Variants in WWC1 observed in about 807,000 individuals in gnomAD.
WWC1 encodes WW and C2 domain containing 1.
In WWC1, 55 loss-of-function variants were observed where a neutral mutation model predicts 138.4. The ratio of observed to expected loss-of-function variants is 0.40; its 90% CI spans 0.32 to 0.50. WWC1 has a LOEUF of 0.50. Among genes scored for constraint, WWC1 ranks in the 20% least tolerant of loss-of-function variants. The pLI is 0.72. For missense variants in WWC1, 1,226 were observed against 1,420.4 expected (o/e 0.86, Z 2.20); for synonymous variants, 524 against 564.9 (o/e 0.93, Z 1.03).
intron 2 of WWC1, among the ~76,000 whole-genome samples, chr5:168,383,974 C>T (rs1777846318): frequency 6.6e-6 from 1 of 152,038 alleles, no homozygotes; most frequent in Admixed American, 6.5e-5. Flanking sequence ...TATCCTGCCA[C>T]CTAGTTGGTT....
chr5:168,446,484 A>G (rs1157313993), intron 17 of WWC1, among the ~76,000 whole-genome samples: 2 of 152,204 alleles, frequency 1.3e-5, no homozygotes, highest in Non-Finnish European at 2.9e-5. Context: ...GTTTTGTGTA[A>G]CCTTAGGCAA....
rs142660872 is a variant in WWC1, at chr5:168,423,968, G to A, written c.1710G>A (p.Pro570=). 2.2e-5 allele frequency: 36 copies of A among 1,614,086 alleles called. No individual in the cohort carries two copies. The highest frequency in any genetic ancestry group is 5.5e-5 in the South Asian group (5 of 91,080). The change falls in exon 11 of 23, where the codon CCG becomes CCA. Residue 570 remains proline, a synonymous_variant. Transcript: ENST00000265293. ...TCAACTCCTTGGAGTTTGAAGACCC[G>A]GAGCTGAGTGCCACTCTTTGTGAAC... ...AFLNSLEFED[P]ELSATLCELS...
Position 168,423,989 on chromosome 5 carries a change from T to A in WWC1, c.1731T>A (p.Cys577Ter). Residue 577 changes from cysteine to a stop codon, truncating the protein, a stop_gained, in exon 11 of 23, where the codon TGT becomes TGA. Coordinates refer to ENST00000265293, the MANE Select transcript of WWC1 (RefSeq NM_015238.3). LOFTEE classifies it high-confidence loss of function. ...FEDPELSATL[C>*]ELSLGNSAQE... ...ACCCGGAGCTGAGTGCCACTCTTTGTGAACTGAGCCTTGGTAACAGCGCCC... is the reference window on the plus strand; with the variant it reads ...ACCCGGAGCTGAGTGCCACTCTTTGAGAACTGAGCCTTGGTAACAGCGCCC... The A allele has an allele frequency of 6.2e-7, 1 of 1,614,034 alleles. No individual in the cohort carries two copies. Among genetic ancestry groups the A allele is most frequent in the Non-Finnish European group, 8.5e-7 (1 of 1,180,004 alleles).
intron 1 of WWC1, among the ~76,000 whole-genome samples, chr5:168,331,787 G>C (rs959546534): frequency 6.6e-6 from 1 of 152,168 alleles, no homozygotes; most frequent in Non-Finnish European, 1.5e-5. Flanking sequence ...GTGAAGTCAA[G>C]AAAGTGCTAG....
At chr5:168,338,182 G>A (rs556603465) in intron 1 of WWC1, among the ~76,000 whole-genome samples, 19 of 151,408 alleles carry the variant, frequency 1.3e-4, no homozygotes, top group East Asian at 6.0e-4. Flanking sequence ...GTGGTGGCAC[G>A]CACCTGTAAT....
chr5:168,407,149 C>T (rs1055213783), intron 6 of WWC1, among the ~76,000 whole-genome samples: 1 of 152,144 alleles, frequency 6.6e-6, no homozygotes, highest in Non-Finnish European at 1.5e-5. Flanking sequence ...TCATTAACCT[C>T]TGACATCAAA....
chr5:168,324,768 A>G (rs1410538566), intron 1 of WWC1, among the ~76,000 whole-genome samples: 2 of 152,228 alleles, frequency 1.3e-5, no homozygotes, highest in Non-Finnish European at 2.9e-5. Context: ...AGACTCAAGT[A>G]TATAGCCTGC....
At chr5:168,308,811 A>G (rs1483100470) in intron 1 of WWC1, among the ~76,000 whole-genome samples, 1 of 152,094 alleles carries the variant, frequency 6.6e-6, no homozygotes, top group Non-Finnish European at 1.5e-5. Context: ...CTCCTCCACA[A>G]CCTGGCCCAC....
intron 19 of WWC1, among the ~76,000 whole-genome samples, chr5:168,459,840 T>C (rs642448): frequency 0.8 from 121,174 of 152,144 alleles, 48,777 homozygotes; most frequent in African/African-American, 0.91. Context: ...ACCCCACCGA[T>C]TTTGGAAATA....
chr5:168,318,000 C>G (rs1253907599), intron 1 of WWC1, among the ~76,000 whole-genome samples: 1 of 152,146 alleles, frequency 6.6e-6, no homozygotes, highest in Non-Finnish European at 1.5e-5. Flanking sequence ...AATTCAGCTT[C>G]TATTGTGTAA....
chr5:168,312,752 T>TG (rs557123336), intron 1 of WWC1, among the ~76,000 whole-genome samples: 88 of 151,938 alleles, frequency 5.8e-4, no homozygotes, highest in African/African-American at 2.0e-3. Flanking sequence ...TCAGGGGTCA[T>TG]GTGGTGCCAA....
Position 168,423,573 on chromosome 5 carries a change from C to T in WWC1, c.1315C>T (p.Pro439Ser). 1 of 1,613,898 alleles carries T rather than the reference C, an allele frequency of 6.2e-7. No individual in the cohort carries two copies. Among genetic ancestry groups the T allele is most frequent in the Non-Finnish European group, 8.5e-7 (1 of 1,179,922 alleles). ...GCAGTCCCTGTCCTCAGGCAGCAGC[C>T]CCGGATCCCTCACGTCCAGCCGGGG... ...SMQSLSSGSS[P>S]GSLTSSRGSL... The change falls in exon 11 of 23, where the codon CCC (proline) becomes TCC (serine). Residue 439 changes from proline to serine, a missense_variant. Physicochemically the swap from Pro to Ser is moderately conservative, Grantham distance 74. This residue lies in a region of WWC1 where 1,016 missense variants were observed against 1,153.9 expected (regional missense o/e 0.88). Transcript: ENST00000265293.
At chr5:168,327,144 AG>A (rs1035668563) in intron 1 of WWC1, among the ~76,000 whole-genome samples, 2 of 152,172 alleles carry the variant, frequency 1.3e-5, no homozygotes, top group Admixed American at 1.3e-4. Context: ...GGCTTTCCAG[AG>A]CAAATTACTC....
At chr5:168,310,330 T>C (rs544226702) in intron 1 of WWC1, among the ~76,000 whole-genome samples, 88 of 151,878 alleles carry the variant, frequency 5.8e-4, no homozygotes, top group African/African-American at 2.0e-3. Flanking sequence ...ACCATTTACC[T>C]TATATTCTCT....
In WWC1 at chr5:168,454,104, G is replaced by A. The variant is rs753070702; in HGVS notation, c.2658+4G>A. The A allele has an allele frequency of 3.1e-6, 5 of 1,612,124 alleles. No homozygotes were observed. Among genetic ancestry groups the A allele is most frequent in the Admixed American group, 1.7e-5 (1 of 59,684 alleles). On this transcript the variant is annotated splice_donor_region_variant and intron_variant, in intron 18 of 22. Coordinates refer to ENST00000265293, the MANE Select transcript of WWC1 (RefSeq NM_015238.3). ...GGATGGGTACCCAGCATTAAAGGTA[G>A]GAAGGGCTGGGGGGATAGAAGGGCT...
At chr5:168,363,750 C>T (rs562977609) in intron 1 of WWC1, among the ~76,000 whole-genome samples, 22 of 152,176 alleles carry the variant, frequency 1.4e-4, no homozygotes, top group South Asian at 4.1e-4. Flanking sequence ...TTTAACGCAG[C>T]GGTGACTTTG....
intron 1 of WWC1, among the ~76,000 whole-genome samples, chr5:168,326,840 AC>A (rs1772604308): frequency 1.3e-5 from 2 of 152,182 alleles, no homozygotes; most frequent in South Asian, 4.2e-4. Context: ...GCCCGGCCGG[AC>A]CGGATAGTCT....
intron 4 of WWC1, among the ~76,000 whole-genome samples, chr5:168,398,784 G>GGA (rs1487209364): frequency 6.6e-6 from 1 of 152,162 alleles, no homozygotes; most frequent in African/African-American, 2.4e-5. Context: ...TGTGTAACCA[G>GGA]GAGAGGTCTG....
chr5:168,353,695 G>A (rs562126528), intron 1 of WWC1, among the ~76,000 whole-genome samples: 42 of 152,348 alleles, frequency 2.8e-4, no homozygotes, highest in African/African-American at 9.6e-4. Context: ...AAGCCTTAGT[G>A]TCCTCCACTG....
Sources: gnomAD v4.1 joint callset for allele counts (sites outside exome capture counted in the v4.1 genomes callset) on GRCh38, gnomAD v4.1.1 for gene constraint, gnomAD v4.1.1 regional missense constraint, MANE v1.5 for transcripts, NCBI Gene and HGNC (gene_info 2026-07-23, HGNC 2026-07-21) for gene names.